The following BUB1B variants were observed in gnomAD, a reference collection of about 807,000 sequenced individuals.
BUB1B encodes the protein mitotic checkpoint serine/threonine-protein kinase BUB1 beta.
In BUB1B, 86 loss-of-function variants were observed where a neutral mutation model predicts 137.7. That is an observed-to-expected ratio of 0.62 (90% confidence interval 0.52 to 0.75). BUB1B has a LOEUF of 0.75. Ranked by LOEUF, BUB1B falls within the 30% of genes least tolerant of loss-of-function variation. The pLI is 0.00. For missense variants in BUB1B, 1,130 were observed against 1,236.9 expected, an observed-to-expected ratio of 0.91 and a Z score of 1.30; for synonymous variants, 420 against 417.9, an observed-to-expected ratio of 1.00 and a Z score of -0.06.
chr15:40,209,675 A>G lies in BUB1B; in HGVS notation c.2184A>G (p.Arg728=). ...CACCATGGTGTTCACAGTATCGCAG[A>G]CAGCTACTGAAGTCCCTACCAGAGT... ...TQSPWCSQYR[R]QLLKSLPELS... The change falls in exon 17 of 23, where the codon AGA becomes AGG. Residue 728 remains arginine (R), a synonymous_variant. Transcript: ENST00000287598. 1 of 1,614,136 alleles carries G rather than the reference A, an allele frequency of 6.2e-7. No individual in the cohort carries two copies. Among genetic ancestry groups the G allele is most frequent in the Non-Finnish European group, 8.5e-7 (1 of 1,180,020 alleles).
chr15:40,163,344 C>T (rs1170593601), intron 1 of BUB1B, among the ~76,000 whole-genome samples: 1 of 152,202 alleles, frequency 6.6e-6, no homozygotes, highest in Non-Finnish European at 1.5e-5. Context: ...GAGGCTGAGG[C>T]AACAGGATTG....
In BUB1B at chr15:40,176,612, A is replaced by G; in HGVS notation, c.520A>G (p.Ile174Val). 1 of 1,614,158 alleles carries G rather than the reference A, an allele frequency of 6.2e-7. No homozygotes were observed. The highest frequency in any genetic ancestry group is 8.5e-7 in the Non-Finnish European group (1 of 1,180,022). Reference sequence around the variant, plus strand: ...AGAAAACTTTAGGAAAGCAGATGCGATATTTCAGGAAGGGATTCAACAGAA... The same window carrying G: ...AGAAAACTTTAGGAAAGCAGATGCGGTATTTCAGGAAGGGATTCAACAGAA... ...ARENFRKADA[I>V]FQEGIQQKAE... The change falls in exon 5 of 23, where the codon ATA (isoleucine) becomes GTA (valine). Residue 174 changes from isoleucine to valine, a missense_variant. Physicochemically the swap from Ile to Val is conservative, Grantham distance 29 (BLOSUM62 3). Transcript: ENST00000287598.
chr15:40,165,230 A>G, intron 2 of BUB1B, 34 bp downstream of exon 2: 1 of 1,613,782 alleles, frequency 6.2e-7, no homozygotes, highest in Non-Finnish European at 8.5e-7. Flanking sequence ...ACCTGTCGTC[A>G]TTCATCCTAA....
intron 5 of BUB1B, among the ~76,000 whole-genome samples, chr15:40,180,805 AC>A (rs1175711641): frequency 6.6e-6 from 1 of 151,392 alleles, no homozygotes; most frequent in Non-Finnish European, 1.5e-5. Context: ...GCCTGCCACC[AC>A]GGCTGGCTAA....
chr15:40,176,662 G>C lies in BUB1B; in HGVS notation c.570G>C (p.Gln190His). Residue 190 changes from glutamine (Q) to histidine (H), a missense_variant, in exon 5 of 23, where the codon CAG becomes CAC. Gln to His is a conservative substitution (Grantham distance 24, BLOSUM62 0). Coordinates refer to ENST00000287598, the MANE Select transcript of BUB1B (RefSeq NM_001211.6). The stretch of plus-strand genomic sequence containing the variant: ...AGGCTGAACCACTAGAAAGACTACA[G>C]TCCCAGCACCGGTAAACTTTCTTTG... Reference protein sequence around the residue: ...QQKAEPLERLQSQHRQFQARV... With the variant: ...QQKAEPLERLHSQHRQFQARV... 6 of 1,614,076 alleles carry C rather than the reference G, an allele frequency of 3.7e-6. No homozygotes were observed. The highest frequency in any genetic ancestry group is 5.1e-6 in the Non-Finnish European group (6 of 1,179,960).
chr15:40,201,212 C>G (rs1041536195), intron 12 of BUB1B, among the ~76,000 whole-genome samples: 1 of 152,064 alleles, frequency 6.6e-6, no homozygotes, highest in African/African-American at 2.4e-5. Context: ...TAAATTTACA[C>G]TAACCACCAA....
In BUB1B at chr15:40,164,841, A is replaced by C. The variant is rs568800; in HGVS notation, c.36-212A>C. On this transcript the variant is annotated intron_variant, in intron 1 of 22. Transcript: ENST00000287598. Reference sequence around the variant, plus strand: ...TAGTACTGTCTACGATATCCTTGCCAAGTTGTCTTCTATCAGGCAATACTG... The same window carrying C: ...TAGTACTGTCTACGATATCCTTGCCCAGTTGTCTTCTATCAGGCAATACTG... Among the ~76,000 whole-genome samples, 6,367 of 151,958 alleles carry C rather than the reference A, an allele frequency of 0.042. 579 individuals are homozygous for C. The highest frequency in any genetic ancestry group is 0.37 in the East Asian group (1,880 of 5,142).
At position 40,196,787 on chromosome 15, in the gene BUB1B, C is replaced by G; in HGVS notation, c.1288+13C>G. The G allele has an allele frequency of 6.2e-7, 1 of 1,612,048 alleles. No homozygotes were observed. Among genetic ancestry groups the G allele is most frequent in the Non-Finnish European group, 8.5e-7 (1 of 1,178,272 alleles). Reference sequence around the variant, plus strand: ...GAGCAAAGGGAAGGTGTGTGTAATTCAAGTTTGTGAAGAGGACTTAACTTA... The same window carrying G: ...GAGCAAAGGGAAGGTGTGTGTAATTGAAGTTTGTGAAGAGGACTTAACTTA... On this transcript the variant is annotated intron_variant, in intron 9 of 22. Coordinates refer to ENST00000287598, the MANE Select transcript of BUB1B (RefSeq NM_001211.6).
chr15:40,212,717 A>G, intron 19 of BUB1B, 69 bp downstream of exon 19: 1 of 1,429,976 alleles, frequency 7.0e-7, no homozygotes, highest in East Asian at 2.3e-5. Context: ...TAGCAAAGGA[A>G]TTTAGTACAA....
intron 5 of BUB1B, among the ~76,000 whole-genome samples, chr15:40,180,703 G>A (rs1275173174): frequency 8.2e-6 from 1 of 121,620 alleles, no homozygotes; most frequent in Non-Finnish European, 1.6e-5. Context: ...GGGCTACAGT[G>A]CAGTGGCGCA....
chr15:40,184,933 T>TG (rs1253040806), intron 6 of BUB1B, among the ~76,000 whole-genome samples: 1 of 152,136 alleles, frequency 6.6e-6, no homozygotes, highest in Non-Finnish European at 1.5e-5. Context: ...ATAAAAGATG[T>TG]GGGGTGACTG....
At chr15:40,172,714 A>C (rs974362395) in intron 4 of BUB1B, among the ~76,000 whole-genome samples, 29 of 152,214 alleles carry the variant, frequency 1.9e-4, no homozygotes, top group African/African-American at 7.0e-4. Flanking sequence ...GGTCAACTGT[A>C]GTTACAAGTA....
chr15:40,163,252 A>C (rs1032420671), intron 1 of BUB1B, among the ~76,000 whole-genome samples: 1 of 152,184 alleles, frequency 6.6e-6, no homozygotes, highest in Non-Finnish European at 1.5e-5. Context: ...AAATGAATGA[A>C]GGAATGAATA....
intron 5 of BUB1B, among the ~76,000 whole-genome samples, 184 bp from the exon 6 acceptor site, chr15:40,183,530 C>T (rs1379709724): frequency 6.6e-6 from 1 of 152,106 alleles, no homozygotes; most frequent in Admixed American, 6.5e-5. Flanking sequence ...TAATTCTAGC[C>T]AAAACTTTTC....
At chr15:40,193,517 G>T in intron 8 of BUB1B, among the ~76,000 whole-genome samples, 2 of 112,060 alleles carry the variant, frequency 1.8e-5, no homozygotes, top group Admixed American at 1.4e-4. Flanking sequence ...GTCTCACTCT[G>T]TTGCCCAGGC....
intron 18 of BUB1B, among the ~76,000 whole-genome samples, 178 bp from the exon 19 acceptor site, chr15:40,212,321 T>C (rs2037723897): frequency 6.6e-6 from 1 of 152,248 alleles, no homozygotes; most frequent in Non-Finnish European, 1.5e-5. Context: ...CCTGTTCTCT[T>C]TCCAGCTTAT....
rs374433718 is a variant in BUB1B, at chr15:40,161,235, G to A, written c.15G>A (p.Lys5=). The A allele has an allele frequency of 6.1e-5, 98 of 1,613,292 alleles. No individual in the cohort carries two copies. Among genetic ancestry groups the A allele is most frequent in the Non-Finnish European group, 8.2e-5 (97 of 1,179,688 alleles). The change falls in exon 1 of 23, where the codon AAG becomes AAA. Residue 5 remains lysine, a synonymous_variant. Transcript: ENST00000287598. ...AGGAATGCAGGATGGCGGCGGTGAA[G>A]AAGGAAGGGGGTGCTCTGAGGTAGG... MAAV[K]KEGGALSEAM... is the part of the protein sequence containing the mutation.
chr15:40,169,999 T>C, intron 2 of BUB1B, 63 bp from the exon 3 acceptor site: 1 of 1,274,206 alleles, frequency 7.8e-7, no homozygotes, highest in Non-Finnish European at 1.1e-6. Context: ...AAAATGGAAG[T>C]GATACTTGTT....
chr15:40,161,397 A>G lies in BUB1B; in HGVS notation c.35+142A>G, dbSNP rs2037041480. 5 of 990,952 alleles carry G rather than the reference A, an allele frequency of 5.0e-6. No homozygotes were observed. The East Asian group carries it at 1.5e-4, about 30-fold the overall frequency. 61.4% of individuals were successfully genotyped at this position (990,952 alleles called of 1,614,324 possible). ...ACCGGAGCCTCCTTCCTTTTGGAGT[A>G]GAATGCCGGAGGTGGAGGTGAAAAC... On this transcript the variant is annotated intron_variant, in intron 1 of 22. Coordinates refer to ENST00000287598, the MANE Select transcript of BUB1B (RefSeq NM_001211.6).
Sources: gnomAD v4.1 joint callset for allele counts (sites outside exome capture counted in the v4.1 genomes callset) on GRCh38, gnomAD v4.1.1 for gene constraint, MANE v1.5 for transcripts, NCBI Gene and HGNC (gene_info 2026-07-23, HGNC 2026-07-21) for gene names.